Variants in ADAM22 observed in about 807,000 individuals in gnomAD.
The protein encoded by ADAM22 is disintegrin and metalloproteinase domain-containing protein 22.
A neutral mutation model predicts 144.6 loss-of-function variants in ADAM22; 65 were observed. The ratio of observed to expected loss-of-function variants is 0.45; its 90% confidence interval spans 0.37 to 0.55. ADAM22 has a LOEUF of 0.55. Ranked by LOEUF, ADAM22 falls within the 20% of genes least tolerant of loss-of-function variation. ADAM22 has a pLI of 0.00. For missense variants in ADAM22, 974 were observed against 1,184.9 expected, an observed-to-expected ratio of 0.82 and a Z score of 2.61; for synonymous variants, 391 against 412.6, an observed-to-expected ratio of 0.95 and a Z score of 0.63.
intron 2 of ADAM22, among the ~76,000 whole-genome samples, chr7:87,965,385 G>T (rs1404345684): frequency 6.6e-6 from 1 of 152,196 alleles, no homozygotes; most frequent in South Asian, 2.1e-4. Context: ...TGTTAGTAAA[G>T]AAGGCATATG....
At chr7:88,070,020 G>A (rs979522113) in intron 3 of ADAM22, among the ~76,000 whole-genome samples, 1 of 151,968 alleles carries the variant, frequency 6.6e-6, no homozygotes, top group Non-Finnish European at 1.5e-5. Flanking sequence ...GAAATGTGCC[G>A]GGCTTTAAGC....
rs114397756 is a variant in ADAM22, at chr7:88,127,762, G to A, written c.679-840G>A. 3.0e-3 allele frequency among the ~76,000 whole-genome samples: 457 copies of A among 151,924 alleles called. 2 individuals carry two copies. The highest frequency in any genetic ancestry group is 0.01 in the African/African-American group (432 of 41,482). ...TGGACCTTGGGCAAGTGAGCAAAAC[G>A]TTTTCTGGAAAAGTTTATATTGAAC... On this transcript the variant is annotated intron_variant, in intron 8 of 31. Coordinates refer to ENST00000413139, the MANE Select transcript of ADAM22 (RefSeq NM_001324418.2).
In ADAM22 at chr7:87,951,422, C is replaced by G. The variant is rs373039332; in HGVS notation, c.246+16236C>G. Among the ~76,000 whole-genome samples, 4 of 102,088 alleles carry G rather than the reference C, an allele frequency of 3.9e-5. 1 individual carries two copies. Among genetic ancestry groups the G allele is most frequent in the East Asian group, 2.2e-4 (1 of 4,458 alleles). 67.0% of individuals were successfully genotyped at this position (102,088 alleles called of 152,430 possible). A position where few individuals can be genotyped will look rare whatever the true frequency, so the allele number is the denominator to read the frequency against. On this transcript the variant is annotated intron_variant, in intron 2 of 31. Transcript: ENST00000413139. ...ATCCTTTTCCCCATTGCTTGTTTTTCTCAGGTTTGTCAAAGATCAGATAGT... is the reference window on the plus strand; with the variant it reads ...ATCCTTTTCCCCATTGCTTGTTTTTGTCAGGTTTGTCAAAGATCAGATAGT...
intron 3 of ADAM22, among the ~76,000 whole-genome samples, chr7:88,046,627 A>G (rs1804755748): frequency 6.6e-6 from 1 of 152,194 alleles, no homozygotes; most frequent in African/African-American, 2.4e-5. Flanking sequence ...GTTATAGCCA[A>G]AACAATTATT....
chr7:88,064,354 A>G (rs1415713630), intron 3 of ADAM22, among the ~76,000 whole-genome samples: 1 of 152,214 alleles, frequency 6.6e-6, no homozygotes, highest in Non-Finnish European at 1.5e-5. Flanking sequence ...AATGCTGTCT[A>G]TAACACTTAG....
chr7:88,036,668 G>A (rs1173143404), intron 3 of ADAM22, among the ~76,000 whole-genome samples: 1 of 151,958 alleles, frequency 6.6e-6, no homozygotes, highest in Admixed American at 6.6e-5. Flanking sequence ...TTAATTAACT[G>A]TTCTCCCTTA....
intron 2 of ADAM22, among the ~76,000 whole-genome samples, chr7:87,976,303 C>T (rs1688888): frequency 0.52 from 79,012 of 151,960 alleles, 20,820 homozygotes; most frequent in Non-Finnish European, 0.53. Context: ...GATGGGAGAC[C>T]TTTAAGAGGT....
chr7:88,102,439 T>C (rs1444431598), intron 4 of ADAM22, among the ~76,000 whole-genome samples: 3 of 152,156 alleles, frequency 2.0e-5, no homozygotes, highest in Non-Finnish European at 4.4e-5. Flanking sequence ...AAGCACTGAA[T>C]TTGTATTCAG....
intron 4 of ADAM22, 81 bp from the exon 5 acceptor site, chr7:88,108,095 G>A (rs1311258688): frequency 2.9e-5 from 31 of 1,053,364 alleles, no homozygotes; most frequent in African/African-American, 4.8e-5. Context: ...GAGGTGCATT[G>A]TGAGTAGAAA....
intron 3 of ADAM22, among the ~76,000 whole-genome samples, chr7:88,018,818 C>A (rs1017426999): frequency 2.0e-5 from 3 of 152,132 alleles, no homozygotes; most frequent in Non-Finnish European, 2.9e-5. Context: ...TAAATATGTG[C>A]ATTTTACATG....
intron 24 of ADAM22, among the ~76,000 whole-genome samples, chr7:88,166,358 T>C (rs944694021): frequency 5.3e-5 from 8 of 152,188 alleles, no homozygotes; most frequent in Non-Finnish European, 1.0e-4. Flanking sequence ...TAGAATCTCA[T>C]TGTTGTTCAA....
chr7:88,010,377 G>A (rs113018038), intron 3 of ADAM22, among the ~76,000 whole-genome samples: 107 of 152,126 alleles, frequency 7.0e-4, no homozygotes, highest in Non-Finnish European at 1.3e-3. Context: ...TTACTGGCTC[G>A]GGTAACAAAC....
chr7:88,065,974 T>C (rs1199719011), intron 3 of ADAM22, among the ~76,000 whole-genome samples: 1 of 152,154 alleles, frequency 6.6e-6, no homozygotes, highest in Non-Finnish European at 1.5e-5. Flanking sequence ...GTCTCCTATA[T>C]TTAGAGTTAT....
chr7:88,008,416 C>G (rs1184774714), intron 3 of ADAM22, among the ~76,000 whole-genome samples: 1 of 151,114 alleles, frequency 6.6e-6, no homozygotes, highest in Admixed American at 6.6e-5. Context: ...ACCCAAAGGA[C>G]TATAAATCAT....
At chr7:88,182,660 T>C (rs1444913874) in intron 29 of ADAM22, among the ~76,000 whole-genome samples, 1 of 152,178 alleles carries the variant, frequency 6.6e-6, no homozygotes, top group Non-Finnish European at 1.5e-5. Flanking sequence ...GGGGTGGGTT[T>C]AGAAGTCACA....
chr7:87,953,073 T>G (rs1845675856), intron 2 of ADAM22, among the ~76,000 whole-genome samples: 1 of 152,102 alleles, frequency 6.6e-6, no homozygotes. Context: ...ATTTTGTTGA[T>G]CCTTTCAAAA....
At chr7:87,970,162 T>C (rs1850085023) in intron 2 of ADAM22, among the ~76,000 whole-genome samples, 1 of 152,182 alleles carries the variant, frequency 6.6e-6, no homozygotes, top group African/African-American at 2.4e-5. Flanking sequence ...TGCAGCTCTT[T>C]TGCCAGAAGT....
chr7:88,128,136 G>A (rs1222187592), intron 8 of ADAM22, among the ~76,000 whole-genome samples: 2 of 151,908 alleles, frequency 1.3e-5, no homozygotes, highest in Non-Finnish European at 2.9e-5. Context: ...GTACCCTCTC[G>A]GAGATCCTCA....
intron 4 of ADAM22, among the ~76,000 whole-genome samples, chr7:88,106,055 G>C (rs12704383): frequency 0.072 from 10,928 of 152,166 alleles, 503 homozygotes; most frequent in Admixed American, 0.11. Context: ...CAGCTGGTAA[G>C]GGAAGGCGCC....
Sources: gnomAD v4.1 joint callset for allele counts (sites outside exome capture counted in the v4.1 genomes callset) on GRCh38, gnomAD v4.1.1 for gene constraint, MANE v1.5 for transcripts, NCBI Gene and HGNC (gene_info 2026-07-23, HGNC 2026-07-21) for gene names.